Variants in SFXN5 observed in about 807,000 individuals in gnomAD.
SFXN5 encodes sideroflexin-5.
SFXN5 carries 43 observed loss-of-function variants against 50.2 expected under a neutral mutation model. The ratio of observed to expected loss-of-function variants is 0.86; its 90% CI spans 0.67 to 1.11. The LOEUF (loss-of-function observed/expected upper bound fraction) is 1.11. Ranked by LOEUF, SFXN5 falls within the 50% of genes least tolerant of loss-of-function variation. The pLI is 0.00. For missense variants in SFXN5, 463 were observed against 454.1 expected (o/e 1.02, Z -0.18); for synonymous variants, 203 against 185.8 (o/e 1.09, Z -0.75).
chr2:73,051,218 T>C (rs1681269177), intron 2 of SFXN5, among the ~76,000 whole-genome samples: 2 of 152,122 alleles, frequency 1.3e-5, no homozygotes, highest in Admixed American at 6.5e-5. Flanking sequence ...CTGAATTGCC[T>C]TTATTGCTCT....
intron 1 of SFXN5, among the ~76,000 whole-genome samples, chr2:73,070,115 C>A (rs1466095380): frequency 6.6e-6 from 1 of 152,190 alleles, no homozygotes; most frequent in African/African-American, 2.4e-5. Context: ...GCCAGAGAGG[C>A]AGGCCCGACT....
At chr2:72,979,566 G>A (rs944680781) in intron 10 of SFXN5, among the ~76,000 whole-genome samples, 4 of 152,138 alleles carry the variant, frequency 2.6e-5, no homozygotes, top group South Asian at 2.1e-4. Flanking sequence ...CCCAGGAGGC[G>A]GAGGTTGCAG....
At chr2:73,056,075 C>T (rs1682075982) in intron 2 of SFXN5, among the ~76,000 whole-genome samples, 1 of 152,106 alleles carries the variant, frequency 6.6e-6, no homozygotes, top group Non-Finnish European at 1.5e-5. Context: ...GAAGTGGAGG[C>T]TGCAATGAGC....
In SFXN5 at chr2:72,968,103, G is replaced by A. The variant is rs193046036; in HGVS notation, c.827+345C>T. Among the ~76,000 whole-genome samples, 11 of 149,446 alleles carry A rather than the reference G, an allele frequency of 7.4e-5. No homozygotes were observed. In the East Asian group the frequency reaches 1.4e-3, roughly 19 times the overall value. ...GTCCTGTACATACTATTCACTGAGA[G>A]CATGTGAGCACACATGAAAACACAC... is the stretch of plus-strand genomic sequence containing the variant. On this transcript the variant is annotated intron_variant, in intron 12 of 13. Transcript: ENST00000272433.
intron 6 of SFXN5, among the ~76,000 whole-genome samples, chr2:73,009,278 C>T (rs898005723): frequency 6.6e-6 from 1 of 152,348 alleles, no homozygotes; most frequent in East Asian, 1.9e-4. Flanking sequence ...TGCTACCAGG[C>T]GACAGCAGGG....
intron 9 of SFXN5, 69 bp from the exon 10 acceptor site, chr2:72,988,417 C>A: frequency 1.5e-6 from 2 of 1,371,014 alleles, no homozygotes; most frequent in South Asian, 1.3e-5. Flanking sequence ...GAGGAGGGGG[C>A]AGAACTGGAG....
chr2:73,058,271 A>G (rs1311805330), intron 2 of SFXN5: 1 of 379,088 alleles, frequency 2.6e-6, no homozygotes, highest in Non-Finnish European at 4.8e-6. Context: ...AATAATATCT[A>G]TCTTAAAGGG....
At chr2:72,955,749 G>T (rs1342924057) in intron 13 of SFXN5, among the ~76,000 whole-genome samples, 1 of 152,204 alleles carries the variant, frequency 6.6e-6, no homozygotes, top group East Asian at 1.9e-4. Flanking sequence ...CTCCCTCAGG[G>T]AACCTGAGGC....
At chr2:73,017,492 G>T (rs1461666905) in intron 6 of SFXN5, among the ~76,000 whole-genome samples, 2 of 152,168 alleles carry the variant, frequency 1.3e-5, no homozygotes, top group Non-Finnish European at 2.9e-5. Context: ...ATGGTTCTCT[G>T]TGTACTCTCA....
chr2:72,984,501 G>A (rs1671669301), intron 10 of SFXN5, among the ~76,000 whole-genome samples: 1 of 152,130 alleles, frequency 6.6e-6, no homozygotes, highest in Admixed American at 6.6e-5. Flanking sequence ...AAATAGCCCT[G>A]GGCTGGGCCT....
At chr2:73,070,001 C>A (rs1266222341) in intron 1 of SFXN5, among the ~76,000 whole-genome samples, 1 of 152,162 alleles carries the variant, frequency 6.6e-6, no homozygotes, top group African/African-American at 2.4e-5. Flanking sequence ...GACCACAGGG[C>A]AGACTGTATG....
intron 10 of SFXN5, among the ~76,000 whole-genome samples, chr2:72,979,319 T>A (rs1368406662): frequency 6.6e-6 from 1 of 152,132 alleles, no homozygotes; most frequent in East Asian, 1.9e-4. Context: ...CAATTTTCTA[T>A]GTTAATAGAA....
At chr2:73,016,643 G>T (rs949837460) in intron 6 of SFXN5, among the ~76,000 whole-genome samples, 1 of 152,204 alleles carries the variant, frequency 6.6e-6, no homozygotes, top group Non-Finnish European at 1.5e-5. Context: ...ATCCGAGGCT[G>T]CAGTGAGCAG....
At chr2:72,947,939 C>T (rs1177112971) in intron 13 of SFXN5, among the ~76,000 whole-genome samples, 1 of 151,940 alleles carries the variant, frequency 6.6e-6, no homozygotes, top group Non-Finnish European at 1.5e-5. Context: ...AATGTTTAAC[C>T]TAGTTAGACA....
chr2:73,043,490 C>T (rs1045555049), intron 2 of SFXN5, among the ~76,000 whole-genome samples: 5 of 152,210 alleles, frequency 3.3e-5, no homozygotes, highest in African/African-American at 1.2e-4. Context: ...ACCGTGGTGG[C>T]CAGCACTGGT....
intron 2 of SFXN5, among the ~76,000 whole-genome samples, chr2:73,041,254 T>C (rs1679589278): frequency 6.6e-6 from 1 of 152,202 alleles, no homozygotes; most frequent in South Asian, 2.1e-4. Context: ...ATATTTCCTA[T>C]GTGAATATTT....
intron 10 of SFXN5, among the ~76,000 whole-genome samples, chr2:72,980,203 T>TAATAAAAA (rs1671114821): frequency 1.3e-5 from 2 of 151,992 alleles, no homozygotes; most frequent in Non-Finnish European, 2.9e-5. Flanking sequence ...ATTCAAATGG[T>TAATAAAAA]GTAAAAGGGG....
chr2:73,005,996 T>C (rs925766407), intron 6 of SFXN5, among the ~76,000 whole-genome samples: 2 of 152,156 alleles, frequency 1.3e-5, no homozygotes, highest in African/African-American at 4.8e-5. Context: ...CACGGCCTCA[T>C]CACAGAAGGA....
intron 2 of SFXN5, among the ~76,000 whole-genome samples, chr2:73,043,853 C>T (rs745767307): frequency 3.9e-5 from 6 of 152,146 alleles, no homozygotes; most frequent in East Asian, 1.9e-4. Flanking sequence ...AGACATAATA[C>T]GCTTATCTAC....
Sources: allele counts gnomAD v4.1 joint callset (sites outside exome capture counted in the v4.1 genomes callset), GRCh38; gene constraint gnomAD v4.1.1; transcripts MANE v1.5; gene names NCBI Gene and HGNC (gene_info 2026-07-23, HGNC 2026-07-21).